GABRA1: variants seen among roughly 807,000 people sequenced by gnomAD.
The protein encoded by GABRA1 is gamma-aminobutyric acid receptor subunit alpha-1.
A neutral mutation model predicts 48.9 loss-of-function variants in GABRA1; 9 were observed. The ratio of observed to expected loss-of-function variants is 0.18; its 90% CI spans 0.11 to 0.32. The LOEUF is 0.32. GABRA1 is among the 10% of genes least tolerant of loss of function. The pLI is 1.00. For missense variants in GABRA1, 285 were observed against 553.8 expected, an observed-to-expected ratio of 0.51 and a Z score of 4.87; for synonymous variants, 210 against 198.7, an observed-to-expected ratio of 1.06 and a Z score of -0.48.
At chr5:161,853,878 C>T (rs1419942984) in intron 2 of GABRA1, among the ~76,000 whole-genome samples, 1 of 151,540 alleles carries the variant, frequency 6.6e-6, no homozygotes, top group African/African-American at 2.4e-5. Flanking sequence ...TCAGAGAAGA[C>T]GTGCATTGCA....
Position 161,896,438 on chromosome 5 carries a change from A to G in GABRA1, c.1059+570A>G, listed in dbSNP as rs1026508220. Among the ~76,000 whole-genome samples, 8 of 152,296 alleles carry G rather than the reference A, an allele frequency of 5.3e-5. 1 individual carries two copies. Among genetic ancestry groups the G allele is most frequent in the Admixed American group, 5.2e-4 (8 of 15,292 alleles). ...ATTACCAAGAAATGCCTCATGGTAG[A>G]AAATGTTCAAGTTAAGAATACTGCT... On this transcript the variant is annotated intron_variant, in intron 9 of 9. Transcript: ENST00000393943.
intron 3 of GABRA1, among the ~76,000 whole-genome samples, chr5:161,861,420 AC>A (rs1757855945): frequency 6.6e-6 from 1 of 152,060 alleles, no homozygotes; most frequent in South Asian, 2.1e-4. Flanking sequence ...TGCTCATATT[AC>A]AGCATATGGA....
At chr5:161,888,608 A>G (rs1033845663) in intron 7 of GABRA1, among the ~76,000 whole-genome samples, 8 of 152,162 alleles carry the variant, frequency 5.3e-5, no homozygotes, top group Middle Eastern at 3.4e-3. Context: ...TGAGCTGGTG[A>G]CATTTTGCAG....
At chr5:161,886,129 G>T (rs1754834382) in intron 7 of GABRA1, among the ~76,000 whole-genome samples, 1 of 152,124 alleles carries the variant, frequency 6.6e-6, no homozygotes, top group Non-Finnish European at 1.5e-5. Context: ...AGGTCATACA[G>T]CTGGGAAGTG....
intron 7 of GABRA1, among the ~76,000 whole-genome samples, 183 bp downstream of exon 7, chr5:161,882,884 C>T (rs2113415714): frequency 6.6e-6 from 1 of 152,226 alleles, no homozygotes; most frequent in Non-Finnish European, 1.5e-5. Flanking sequence ...TCATTTAATG[C>T]CTCTTGGCCT....
chr5:161,859,183 C>T (rs955657453), intron 3 of GABRA1, among the ~76,000 whole-genome samples: 1 of 151,680 alleles, frequency 6.6e-6, no homozygotes, highest in Non-Finnish European at 1.5e-5. Context: ...GTAACTGGAG[C>T]TGTCTCTGAA....
Position 161,897,200 on chromosome 5 carries a change from C to T in GABRA1, c.1149C>T (p.Asp383=). ...ACACCCCTAATTTGGCCAGGGGCGA[C>T]CCGGGCTTAGCCACCATTGCTAAAA... ...TSYTPNLARG[D]PGLATIAKSA... Residue 383 remains aspartate, a synonymous_variant, in exon 10 of 10, where the codon GAC becomes GAT. Coordinates refer to ENST00000393943, the MANE Select transcript of GABRA1 (RefSeq NM_001127644.2). 2 of 1,614,098 alleles carry T rather than the reference C, an allele frequency of 1.2e-6. No individual in the cohort carries two copies. The highest frequency in any genetic ancestry group is 2.2e-5 in the South Asian group (2 of 91,078).
chr5:161,878,249 T>C (rs1337496959), intron 6 of GABRA1, among the ~76,000 whole-genome samples: 1 of 152,042 alleles, frequency 6.6e-6, no homozygotes, highest in Non-Finnish European at 1.5e-5. Context: ...AGACTAGACA[T>C]TGAAGTGCAG....
chr5:161,856,165 G>A (rs1757636366), intron 3 of GABRA1, among the ~76,000 whole-genome samples: 1 of 151,188 alleles, frequency 6.6e-6, no homozygotes, highest in African/African-American at 2.4e-5. Context: ...ACCCTGGAGA[G>A]CCATAGAACT....
At chr5:161,855,600 T>C (rs1010373972) in intron 3 of GABRA1, among the ~76,000 whole-genome samples, 1 of 151,558 alleles carries the variant, frequency 6.6e-6, no homozygotes, top group African/African-American at 2.4e-5. Flanking sequence ...GTATATGATA[T>C]GTTAAAACAC....
At position 161,895,721 on chromosome 5, in the gene GABRA1, C is replaced by T. The variant is rs1250236657; in HGVS notation, c.912C>T (p.Leu304=). The T allele has an allele frequency of 6.2e-7, 1 of 1,614,016 alleles. No individual in the cohort carries two copies. The highest frequency in any genetic ancestry group is 1.1e-5 in the South Asian group (1 of 91,072). ...TTLSISARNS[L]PKVAYATAMD... ...TGAGCATCAGTGCCAGAAACTCCCT[C>T]CCTAAGGTGGCTTATGCAACAGCTA... The change falls in exon 9 of 10, where the codon CTC becomes CTT. Residue 304 remains leucine (L), a synonymous_variant. Transcript: ENST00000393943.
intron 3 of GABRA1, among the ~76,000 whole-genome samples, chr5:161,863,339 G>T (rs916765194): frequency 6.6e-5 from 10 of 151,970 alleles, no homozygotes; most frequent in Non-Finnish European, 1.5e-4. Flanking sequence ...TCAGTATTCT[G>T]CAGGCTGTAC....
chr5:161,895,623 C>T, intron 8 of GABRA1, 43 bp from the exon 9 acceptor site: 1 of 1,525,222 alleles, frequency 6.6e-7, no homozygotes, highest in Non-Finnish European at 9.1e-7. Flanking sequence ...TGAAATTTCA[C>T]AGTATGAACT....
In GABRA1 at chr5:161,865,774, T is replaced by A; in HGVS notation, c.241T>A (p.Ser81Thr). ...CTTCGTCACCAGTTTCGGACCCGTT[T>A]CAGACCATGATATGGTAAGTGGACA... ...DIFVTSFGPV[S>T]DHDMEYTIDV... Residue 81 changes from serine (S) to threonine (T), a missense_variant, in exon 4 of 10, where the codon TCA becomes ACA. Transcript: ENST00000393943. 6.2e-7 allele frequency: 1 copy of A among 1,612,586 alleles called. No homozygotes were observed. Among genetic ancestry groups the A allele is most frequent in the Non-Finnish European group, 8.5e-7 (1 of 1,178,818 alleles).
chr5:161,849,602 T>G, intron 1 of GABRA1, among the ~76,000 whole-genome samples: 1 of 152,192 alleles, frequency 6.6e-6, no homozygotes, highest in African/African-American at 2.4e-5. Context: ...GCAGAAAGCA[T>G]TTTGTAGATG....
chr5:161,863,234 A>G (rs1018839343), intron 3 of GABRA1, among the ~76,000 whole-genome samples: 2 of 151,852 alleles, frequency 1.3e-5, no homozygotes, highest in African/African-American at 4.8e-5. Flanking sequence ...TTAAGTTTAT[A>G]TTTGAATAGA....
At chr5:161,881,277 C>T (rs1368917391) in intron 6 of GABRA1, among the ~76,000 whole-genome samples, 1 of 152,094 alleles carries the variant, frequency 6.6e-6, no homozygotes, top group Non-Finnish European at 1.5e-5. Context: ...CCTCATTCTG[C>T]ATCTAAATAG....
chr5:161,865,673 T>C, intron 3 of GABRA1, 48 bp from the exon 4 acceptor site: 1 of 1,455,622 alleles, frequency 6.9e-7, no homozygotes. Context: ...TGAGATCTAA[T>C]AAGGACGGTT....
At chr5:161,882,324 T>G in intron 6 of GABRA1, 5 of 557,480 alleles carry the variant, frequency 9.0e-6, no homozygotes, top group South Asian at 6.2e-5. Context: ...CAGCACAGTA[T>G]TTTGTCCTTT....
Sources: allele counts gnomAD v4.1 joint callset (sites outside exome capture counted in the v4.1 genomes callset), GRCh38; gene constraint gnomAD v4.1.1; transcripts MANE v1.5; gene names NCBI Gene and HGNC (gene_info 2026-07-23, HGNC 2026-07-21).